C7orf25: variants seen among roughly 807,000 people sequenced by gnomAD.
The protein encoded by C7orf25 is chromosome 7 open reading frame 25, also known as UPF0415 protein C7orf25.
In C7orf25, 14 loss-of-function variants were observed where a neutral mutation model predicts 25.5. The ratio of observed to expected loss-of-function variants is 0.55; its 90% CI spans 0.36 to 0.86. The LOEUF (loss-of-function observed/expected upper bound fraction) is 0.86, where lower values mean the gene tolerates loss of function less well. C7orf25 is among the 40% of genes least tolerant of loss of function. C7orf25 has a pLI of 0.01. For synonymous variants in C7orf25, 184 were observed against 179.9 expected (o/e 1.02, Z -0.18); for missense variants, 405 against 493.9 (o/e 0.82, Z 1.71).
rs764154217 is a variant in C7orf25, at chr7:42,910,316, G to T, written c.585C>A (p.Val195=). ...GISVRGDIVA[V]NALLDHPEEL... ...CTTCAGGGTGATCTAACAGAGCGTTGACTGCTACTATGTCTCCTCTCACAG... is the reference window on the plus strand; with the variant it reads ...CTTCAGGGTGATCTAACAGAGCGTTTACTGCTACTATGTCTCCTCTCACAG... Residue 195 remains valine, a synonymous_variant, in exon 2 of 2, where the codon GTC becomes GTA. Transcript: ENST00000350427. 1 of 1,614,180 alleles carries T rather than the reference G, an allele frequency of 6.2e-7. No homozygotes were observed. Among genetic ancestry groups the T allele is most frequent in the Admixed American group, 1.7e-5 (1 of 60,028 alleles).
At chr7:42,911,779 C>A in intron 1 of C7orf25, 136 bp downstream of exon 1, 1 of 1,243,646 alleles carries the variant, frequency 8.0e-7, no homozygotes. Flanking sequence ...CCACCGCCAG[C>A]GCCGCGGCTC....
intron 1 of C7orf25, chr7:42,911,394 C>T (rs763685803): frequency 1.4e-4 from 149 of 1,028,926 alleles, no homozygotes; most frequent in Non-Finnish European, 1.6e-4. Flanking sequence ...GCCTCCCTAA[C>T]CTTTTCCTCC....
chr7:42,911,866 A>G, intron 1 of C7orf25, 49 bp downstream of exon 1: 2 of 1,393,602 alleles, frequency 1.4e-6, no homozygotes, highest in Non-Finnish European at 1.9e-6. Context: ...CTGGCCTCAG[A>G]AGAGGCGCCC....
chr7:42,909,903 C>T lies in C7orf25; in HGVS notation c.998G>A (p.Arg333Gln), dbSNP rs1003393016. 1.8e-5 allele frequency: 29 copies of T among 1,614,074 alleles called. No individual in the cohort carries two copies. The highest frequency in any genetic ancestry group is 2.7e-5 in the African/African-American group (2 of 74,916). The change falls in exon 2 of 2, where the codon CGA becomes CAA. Residue 333 changes from arginine to glutamine, a missense_variant. By Grantham distance (43) the Arg-to-Gln change is conservative. Transcript: ENST00000350427. ...AGGCTGGTCTGGTACCACATTAATT[C>T]GCTTAATTAACACAGTGGCCCTCTC... ...ERERATVLIK[R>Q]INVVPDQPSE... is the part of the protein sequence containing the mutation.
intron 1 of C7orf25, 32 bp from the exon 2 acceptor site, chr7:42,910,953 T>C (rs775216119): frequency 5.0e-6 from 8 of 1,605,594 alleles, no homozygotes; most frequent in Non-Finnish European, 6.8e-6. Flanking sequence ...ACTTCAGTAG[T>C]CTCCTAAAAT....
In C7orf25 at chr7:42,910,563, C is replaced by T. The variant is rs1785866539; in HGVS notation, c.338G>A (p.Gly113Asp). The change falls in exon 2 of 2, where the codon GGT (glycine) becomes GAT (aspartate). Residue 113 changes from glycine to aspartate, a missense_variant. Transcript: ENST00000350427. ...GCCAATGGCTTTCACCCAAGTATGA[C>T]CACCATTTGCAACTACATCTACCAC... ...TLVVDVVANG[G>D]HTWVKAIGRK... 1 of 1,614,092 alleles carries T rather than the reference C, an allele frequency of 6.2e-7. No homozygotes were observed. Among genetic ancestry groups the T allele is most frequent in the Admixed American group, 1.7e-5 (1 of 60,002 alleles).
Position 42,910,409 on chromosome 7 carries a change from G to A in C7orf25, c.492C>T (p.His164=). 6.2e-7 allele frequency: 1 copy of A among 1,614,242 alleles called. No homozygotes were observed. The highest frequency in any genetic ancestry group is 8.5e-7 in the Non-Finnish European group (1 of 1,180,050). ...HQQPVQYSNP[H]IIFAFYNSVS... is the part of the protein sequence containing the mutation. ...CACTGTTGTAAAATGCAAAGATGAT[G>A]TGAGGGTTGCTATACTGCACTGGCT... is the stretch of plus-strand genomic sequence containing the variant. Residue 164 remains histidine (H), a synonymous_variant, in exon 2 of 2, where the codon CAC becomes CAT. Coordinates refer to ENST00000350427, the MANE Select transcript of C7orf25 (RefSeq NM_001099858.2).
intron 1 of C7orf25, 47 bp downstream of exon 1, chr7:42,911,868 G>T: frequency 7.2e-7 from 1 of 1,395,908 alleles, no homozygotes; most frequent in South Asian, 1.5e-5. Context: ...GGCCTCAGAA[G>T]AGGCGCCCCG....
rs1465403726 is a variant in C7orf25 at position 42,911,937 on chromosome 7, G to GCGAGCA, written c.-50_-45dup. 6.0e-5 allele frequency: 89 copies of GCGAGCA among 1,481,198 alleles called. No individual in the cohort carries two copies. The highest frequency in any genetic ancestry group is 1.8e-4 in the East Asian group (6 of 34,138). The allele number at this position is 1,481,198 out of a possible 1,614,324, so 91.8% of individuals were successfully genotyped here. A position where few individuals can be genotyped will look rare whatever the true frequency, so the allele number is the denominator to read the frequency against. On this transcript the variant is annotated 5_prime_UTR_variant, in exon 1 of 2. Transcript: ENST00000350427. ...CACCGGCAGCGCCAGAACCGCGAGC[G>GCGAGCA]CGAGCACGCAGGCGCGTGCACGCAG... is the stretch of plus-strand genomic sequence containing the variant.
chr7:42,910,469 C>T lies in C7orf25; in HGVS notation c.432G>A (p.Glu144=), dbSNP rs1785864007. The T allele has an allele frequency of 4.3e-6, 7 of 1,614,124 alleles. No individual in the cohort carries two copies. Among genetic ancestry groups the T allele is most frequent in the African/African-American group, 1.3e-5 (1 of 74,942 alleles). The change falls in exon 2 of 2, where the codon GAG becomes GAA. Residue 144 remains glutamate (E), a synonymous_variant. Transcript: ENST00000350427. ...RGQYGDKSII[E]QAEDFLQASH... is the part of the protein sequence containing the mutation. ...TGGCCTGGAGGAAGTCTTCAGCCTG[C>T]TCAATGATGCTTTTGTCACCATATT... is the stretch of plus-strand genomic sequence containing the variant.
chr7:42,910,095 A>G lies in C7orf25; in HGVS notation c.806T>C (p.Phe269Ser). Residue 269 changes from phenylalanine to serine, a missense_variant, in exon 2 of 2, where the codon TTT becomes TCT. Phe to Ser is a radical substitution (Grantham distance 155, BLOSUM62 -2). Coordinates refer to ENST00000350427, the MANE Select transcript of C7orf25 (RefSeq NM_001099858.2). ...VSALSYGGCH[F>S]IFKEKVLTEQ... is the part of the protein sequence containing the mutation. ...TGTGAGCACTTTCTCTTTGAAAATA[A>G]AGTGGCAGCCTCCATAGCTGAGGGC... 2.5e-6 allele frequency: 4 copies of G among 1,614,186 alleles called. No homozygotes were observed. Among genetic ancestry groups the G allele is most frequent in the Non-Finnish European group, 3.4e-6 (4 of 1,180,026 alleles).
rs747318335 is a variant in C7orf25 at position 42,909,709 on chromosome 7, T to C, written c.1192A>G (p.Arg398Gly). The stretch of plus-strand genomic sequence containing the variant: ...GCCTCTTTACTCTCAGTAAGTGCTC[T>C]GGGCTGATGGATAAACACACTAAAT... ...VKFSVFIHQP[R>G]ALTESKEALA... The change falls in exon 2 of 2, where the codon AGA (arginine) becomes GGA (glycine). Residue 398 changes from arginine to glycine, a missense_variant. Arg to Gly is a moderately radical substitution (Grantham distance 125). Coordinates refer to ENST00000350427, the MANE Select transcript of C7orf25 (RefSeq NM_001099858.2). The C allele has an allele frequency of 2.8e-5, 46 of 1,614,128 alleles. No homozygotes were observed. Among genetic ancestry groups the C allele is most frequent in the Non-Finnish European group, 3.8e-5 (45 of 1,180,056 alleles).
rs1785832962 is a variant in C7orf25 at position 42,909,643 on chromosome 7, C to G, written c.1258G>C (p.Glu420Gln). 6.2e-7 allele frequency: 1 copy of G among 1,609,114 alleles called. No homozygotes were observed. Among genetic ancestry groups the G allele is most frequent in the Admixed American group, 1.7e-5 (1 of 58,830 alleles). The change falls in exon 2 of 2, where the codon GAA (glutamate) becomes CAA (glutamine). Residue 420 changes from glutamate to glutamine, a missense_variant. Transcript: ENST00000350427. ...ATATTTAAAGGGTATCTTTAGTGTT[C>G]ACTGTCAGTTGTGTAGTCTTTTGGT... Reference protein sequence around the residue: ...PLPKDYTTDSEH With the variant: ...PLPKDYTTDSQH
chr7:42,909,915 A>G lies in C7orf25; in HGVS notation c.986T>C (p.Val329Ala). 6 of 1,614,222 alleles carry G rather than the reference A, an allele frequency of 3.7e-6. No individual in the cohort carries two copies. The highest frequency in any genetic ancestry group is 5.1e-6 in the Non-Finnish European group (6 of 1,180,044). Residue 329 changes from valine to alanine, a missense_variant, in exon 2 of 2, where the codon GTG becomes GCG. Physicochemically the swap from Val to Ala is moderately conservative, Grantham distance 64 (BLOSUM62 0). Coordinates refer to ENST00000350427, the MANE Select transcript of C7orf25 (RefSeq NM_001099858.2). ...GGPGERERAT[V>A]LIKRINVVPD... is the part of the protein sequence containing the mutation. ...TACCACATTAATTCGCTTAATTAAC[A>G]CAGTGGCCCTCTCTCTCTCCCCAGG...
chr7:42,912,055 G>C lies in C7orf25; in HGVS notation c.-162C>G. ...ACCCGCGCGAGCCCCGCCGCCTCGGGCACCTCCTGCATCACGTGGTTCCGG... is the reference window on the plus strand; with the variant it reads ...ACCCGCGCGAGCCCCGCCGCCTCGGCCACCTCCTGCATCACGTGGTTCCGG... On this transcript the variant is annotated 5_prime_UTR_variant, in exon 1 of 2. Coordinates refer to ENST00000350427, the MANE Select transcript of C7orf25 (RefSeq NM_001099858.2). 1.4e-6 allele frequency: 2 copies of C among 1,450,832 alleles called. No individual in the cohort carries two copies. Among genetic ancestry groups the C allele is most frequent in the Non-Finnish European group, 1.8e-6 (2 of 1,109,800 alleles). The allele number at this position is 1,450,832 out of a possible 1,614,324, so 89.9% of individuals were successfully genotyped here.
intron 1 of C7orf25, 75 bp downstream of exon 1, chr7:42,911,840 C>A (rs1286490692): frequency 2.3e-6 from 3 of 1,324,560 alleles, no homozygotes; most frequent in Non-Finnish European, 2.9e-6. Flanking sequence ...GCCGGGCCGG[C>A]CCTGCCCAGC....
intron 1 of C7orf25, chr7:42,911,623 C>G: frequency 9.3e-7 from 1 of 1,073,262 alleles, no homozygotes. Flanking sequence ...CAACCCGCGG[C>G]GGCCGTGCAA....
intron 1 of C7orf25, 38 bp downstream of exon 1, chr7:42,911,877 C>G: frequency 7.1e-7 from 1 of 1,406,176 alleles, no homozygotes; most frequent in Non-Finnish European, 9.2e-7. Flanking sequence ...AGAGGCGCCC[C>G]GCTCCCAGCC....
chr7:42,911,954 T>C lies in C7orf25; in HGVS notation c.-61A>G. 1 of 1,490,332 alleles carries C rather than the reference T, an allele frequency of 6.7e-7. No individual in the cohort carries two copies. Among genetic ancestry groups the C allele is most frequent in the Non-Finnish European group, 8.9e-7 (1 of 1,128,238 alleles). The allele number at this position is 1,490,332 out of a possible 1,614,324, so 92.3% of individuals were successfully genotyped here. ...CCGCGAGCGCGAGCACGCAGGCGCG[T>C]GCACGCAGAGGCCGGGACCCGCCGG... On this transcript the variant is annotated 5_prime_UTR_variant, in exon 1 of 2. Coordinates refer to ENST00000350427, the MANE Select transcript of C7orf25 (RefSeq NM_001099858.2).
Sources: allele counts gnomAD v4.1 joint callset, GRCh38; gene constraint gnomAD v4.1.1; transcripts MANE v1.5; gene names NCBI Gene and HGNC (gene_info 2026-07-23, HGNC 2026-07-21).